CAST: variants seen among roughly 807,000 people sequenced by gnomAD.
CAST encodes the protein calpastatin.
In CAST, 76 loss-of-function variants were observed where a neutral mutation model predicts 119.6. That is an observed-to-expected ratio of 0.64 (90% CI 0.53 to 0.77). The LOEUF (loss-of-function observed/expected upper bound fraction) is 0.77. CAST is among the 30% of genes least tolerant of loss of function. CAST has a pLI of 0.00. For missense variants in CAST, 953 were observed against 946.5 expected (o/e 1.01, Z -0.09); for synonymous variants, 319 against 331.6 (o/e 0.96, Z 0.41).
intron 1 of CAST, among the ~76,000 whole-genome samples, chr5:96,622,544 A>G (rs1201667540): frequency 6.6e-6 from 1 of 152,094 alleles, no homozygotes; most frequent in Non-Finnish European, 1.5e-5. Flanking sequence ...TGAGGCCAGG[A>G]TCACTATAGC....
the CAST span, among the ~76,000 whole-genome samples, chr5:96,071,112 G>A: frequency 9.2e-5 from 14 of 152,058 alleles, no homozygotes; most frequent in African/African-American, 3.1e-4. Flanking sequence ...GACCCATTTA[G>A]GGTAGACAGT....
At chr5:96,640,065 C>G (rs961054377) in intron 1 of CAST, among the ~76,000 whole-genome samples, 1 of 152,148 alleles carries the variant, frequency 6.6e-6, no homozygotes, top group East Asian at 1.9e-4. Context: ...TAGGCAAAGG[C>G]TCTCAGAGCC....
chr5:96,484,939 C>T, the CAST span, among the ~76,000 whole-genome samples: 13 of 152,166 alleles, frequency 8.5e-5, no homozygotes, highest in Non-Finnish European at 4.4e-5. Flanking sequence ...TCAATAGCTA[C>T]ACACATATCC....
chr5:96,221,863 C>T, the CAST span, among the ~76,000 whole-genome samples: 124 of 152,196 alleles, frequency 8.1e-4, 1 homozygote, highest in African/African-American at 2.2e-3. Context: ...AAGTATATTA[C>T]AAGGCTATAG....
At chr5:96,386,914 G>A in the CAST span, among the ~76,000 whole-genome samples, 6 of 152,042 alleles carry the variant, frequency 3.9e-5, no homozygotes, top group African/African-American at 1.5e-4. Context: ...GCAGTGAGCC[G>A]AGATCATACC....
At chr5:96,373,167 A>C in the CAST span, among the ~76,000 whole-genome samples, 1 of 152,304 alleles carries the variant, frequency 6.6e-6, no homozygotes, top group East Asian at 1.9e-4. Context: ...ATTACATTAC[A>C]TGCCTTTTTT....
chr5:96,561,788 T>C lies in CAST; in HGVS notation c.60+31908T>C, dbSNP rs13180124. Among the ~76,000 whole-genome samples, 2 of 68,768 alleles carry C rather than the reference T, an allele frequency of 2.9e-5. 1 individual carries two copies. Among genetic ancestry groups the C allele is most frequent in the African/African-American group, 1.1e-4 (2 of 17,522 alleles). 45.1% of individuals were successfully genotyped at this position (68,768 alleles called of 152,430 possible). On this transcript the variant is annotated intron_variant, in intron 1 of 11. Transcript: ENST00000505143. ...GTATATATGTGTATTATATATATGTTTTTTTTTGTTTTTTTTTTTTTTGAG... is the reference window on the plus strand; with the variant it reads ...GTATATATGTGTATTATATATATGTCTTTTTTTGTTTTTTTTTTTTTTGAG...
At chr5:96,080,599 C>T in the CAST span, among the ~76,000 whole-genome samples, 1 of 152,212 alleles carries the variant, frequency 6.6e-6, no homozygotes, top group Non-Finnish European at 1.5e-5. Context: ...TAGATGATCC[C>T]TAAAGTATCT....
intron 1 of CAST, among the ~76,000 whole-genome samples, chr5:96,624,485 T>C (rs554625809): frequency 5.3e-5 from 8 of 152,366 alleles, no homozygotes; most frequent in African/African-American, 1.4e-4. Flanking sequence ...TACCACTGAA[T>C]GTTAGGAATA....
chr5:96,626,087 C>T (rs950080466), intron 1 of CAST, among the ~76,000 whole-genome samples: 3 of 152,150 alleles, frequency 2.0e-5, no homozygotes, highest in African/African-American at 7.2e-5. Context: ...CCTAATAAAT[C>T]TCTGGCATAT....
chr5:95,993,091 C>T, the CAST span, among the ~76,000 whole-genome samples: 2 of 152,072 alleles, frequency 1.3e-5, no homozygotes, highest in Admixed American at 1.3e-4. Flanking sequence ...CAATGCAACA[C>T]AATAGAGAGC....
At chr5:96,752,592 T>C in intron 20 of CAST, among the ~76,000 whole-genome samples, 1 of 123,222 alleles carries the variant, frequency 8.1e-6, no homozygotes, top group East Asian at 2.4e-4. Flanking sequence ...TTTTTTTTTT[T>C]TTGGTAGCTC....
chr5:96,063,310 T>C, the CAST span, among the ~76,000 whole-genome samples: 3 of 152,080 alleles, frequency 2.0e-5, no homozygotes, highest in Non-Finnish European at 2.9e-5. Flanking sequence ...CCACAGCAAA[T>C]GGCTGGTCAA....
chr5:96,643,944 G>A (rs567121741), intron 1 of CAST, among the ~76,000 whole-genome samples: 2 of 152,108 alleles, frequency 1.3e-5, no homozygotes, highest in African/African-American at 4.8e-5. Flanking sequence ...ATCTACTCAG[G>A]AGACTGAGGC....
chr5:96,652,305 T>C (rs1264194330), intron 1 of CAST, among the ~76,000 whole-genome samples: 1 of 152,232 alleles, frequency 6.6e-6, no homozygotes, highest in African/African-American at 2.4e-5. Context: ...ATGGAGTCTA[T>C]AATTAGAATA....
At chr5:96,530,346 A>G (rs898296762) in intron 1 of CAST, among the ~76,000 whole-genome samples, 1 of 152,202 alleles carries the variant, frequency 6.6e-6, no homozygotes, top group African/African-American at 2.4e-5. Context: ...AAGACCCTGC[A>G]GAGGTAAAGA....
At chr5:96,689,751 C>T (rs1172856908) in intron 2 of CAST, among the ~76,000 whole-genome samples, 2 of 152,192 alleles carry the variant, frequency 1.3e-5, no homozygotes, top group African/African-American at 4.8e-5. Context: ...ATCCGATACT[C>T]ATCATAAAAT....
chr5:96,010,628 A>C, the CAST span, among the ~76,000 whole-genome samples: 5 of 152,264 alleles, frequency 3.3e-5, no homozygotes, highest in South Asian at 6.2e-4. Context: ...ATTTTTTTCT[A>C]ATTCTGTAAA....
chr5:96,027,763 G>A, the CAST span, among the ~76,000 whole-genome samples: 6 of 152,010 alleles, frequency 3.9e-5, no homozygotes, highest in Non-Finnish European at 7.4e-5. Flanking sequence ...AAATATCCTT[G>A]CAACTTTATA....
Sources: gnomAD v4.1 joint callset for allele counts (sites outside exome capture counted in the v4.1 genomes callset) on GRCh38, gnomAD v4.1.1 for gene constraint, MANE v1.5 for transcripts, NCBI Gene and HGNC (gene_info 2026-07-23, HGNC 2026-07-21) for gene names.